The following IRF2BPL variants were observed in gnomAD, a reference collection of about 807,000 sequenced individuals.
IRF2BPL encodes probable E3 ubiquitin-protein ligase IRF2BPL.
In IRF2BPL, 13 loss-of-function variants were observed where a neutral mutation model predicts 51.2. That is an observed-to-expected ratio of 0.25 (90% CI 0.17 to 0.40). The LOEUF (loss-of-function observed/expected upper bound fraction) is 0.40, where lower values mean the gene tolerates loss of function less well. Among genes scored for constraint, IRF2BPL ranks in the 10% least tolerant of loss-of-function variants. The pLI is 1.00. For missense variants in IRF2BPL, 1,210 were observed against 1,111.8 expected, an observed-to-expected ratio of 1.09 and a Z score of -1.26; for synonymous variants, 768 against 509.2, an observed-to-expected ratio of 1.51 and a Z score of -6.84.
rs762852188 is a variant in IRF2BPL, at chr14:77,026,630, T to C, written c.1163A>G (p.Tyr388Cys). 6.2e-7 allele frequency: 1 copy of C among 1,613,742 alleles called. No homozygotes were observed. The highest frequency in any genetic ancestry group is 8.5e-7 in the Non-Finnish European group (1 of 1,179,986). The stretch of plus-strand genomic sequence containing the variant: ...GTGGTCCTTCTTGAAGCGAACCTCG[T>C]AGGGCGTGCAGCCTGCCAGCGTGAG... Reference protein sequence around the residue: ...TLLTLAGCTPYEVRFKKDHSL... With the variant: ...TLLTLAGCTPCEVRFKKDHSL... Residue 388 changes from tyrosine (Y) to cysteine (C), a missense_variant, in exon 1 of 1, where the codon TAC becomes TGC. Physicochemically the swap from Tyr to Cys is radical, Grantham distance 194. Coordinates refer to ENST00000238647, the MANE Select transcript of IRF2BPL (RefSeq NM_024496.4).
chr14:77,025,737 G>A lies in IRF2BPL; in HGVS notation c.2056C>T (p.Pro686Ser), dbSNP rs1372110270. Residue 686 changes from proline to serine, a missense_variant, in exon 1 of 1, where the codon CCG (proline) becomes TCG (serine). Transcript: ENST00000238647. ...NGDLNLQVAP[P>S]PPSAHPGMDQ... ...ATGCCCGGGTGGGCGCTAGGCGGCGGGGGCGCCACCTGTAAATTCAGGTCC... is the reference window on the plus strand; with the variant it reads ...ATGCCCGGGTGGGCGCTAGGCGGCGAGGGCGCCACCTGTAAATTCAGGTCC... 2 of 1,583,068 alleles carry A rather than the reference G, an allele frequency of 1.3e-6. No homozygotes were observed. Among genetic ancestry groups the A allele is most frequent in the Non-Finnish European group, 1.7e-6 (2 of 1,163,602 alleles).
Position 77,025,799 on chromosome 14 carries a change from G to A in IRF2BPL, c.1994C>T (p.Ser665Phe), listed in dbSNP as rs2140377124. 3 of 1,611,646 alleles carry A rather than the reference G, an allele frequency of 1.9e-6. No individual in the cohort carries two copies. The highest frequency in any genetic ancestry group is 2.5e-6 in the Non-Finnish European group (3 of 1,179,272). Residue 665 changes from serine (S) to phenylalanine (F), a missense_variant, in exon 1 of 1, where the codon TCC (serine) becomes TTC (phenylalanine). By Grantham distance (155) the Ser-to-Phe change is radical. Transcript: ENST00000238647. ...TGCCAAGCGGCGCTGCCCCGGCACG[G>A]AGGCCGGCGAGACTGGGCTGCTGCT... ...RNSSSPVSPASVPGQRRLASR... is the reference protein window; with the variant it reads ...RNSSSPVSPAFVPGQRRLASR...
Position 77,026,432 on chromosome 14 carries a change from G to A in IRF2BPL, c.1361C>T (p.Ser454Phe), listed in dbSNP as rs1052130994. Residue 454 changes from serine (S) to phenylalanine (F), a missense_variant, in exon 1 of 1, where the codon TCC becomes TTC. Coordinates refer to ENST00000238647, the MANE Select transcript of IRF2BPL (RefSeq NM_024496.4). ...DCMKDFGRGLSSGFKYLEYEK... is the reference protein window; with the variant it reads ...DCMKDFGRGLFSGFKYLEYEK... ...GTACTCCAGGTACTTGAAACCCGAGGATAGGCCCCGGCCGAAGTCCTTCAT... is the reference window on the plus strand; with the variant it reads ...GTACTCCAGGTACTTGAAACCCGAGAATAGGCCCCGGCCGAAGTCCTTCAT... 1.3e-5 allele frequency: 21 copies of A among 1,613,386 alleles called. No homozygotes were observed. The highest frequency in any genetic ancestry group is 1.6e-5 in the Non-Finnish European group (19 of 1,180,026).
At position 77,027,767 on chromosome 14, in the gene IRF2BPL, G is replaced by A; in HGVS notation, c.26C>T (p.Ser9Phe). 1.3e-6 allele frequency: 2 copies of A among 1,595,178 alleles called. No homozygotes were observed. Among genetic ancestry groups the A allele is most frequent in the Non-Finnish European group, 1.7e-6 (2 of 1,170,582 alleles). The change falls in exon 1 of 1, where the codon TCC (serine) becomes TTC (phenylalanine). Residue 9 changes from serine (S) to phenylalanine (F), a missense_variant. Physicochemically the swap from Ser to Phe is radical, Grantham distance 155. Coordinates refer to ENST00000238647, the MANE Select transcript of IRF2BPL (RefSeq NM_024496.4). MSAAQVSSSRRQSCYLCDL... is the reference protein window; with the variant it reads MSAAQVSSFRRQSCYLCDL... The stretch of plus-strand genomic sequence containing the variant: ...GCACAGGTAGCAAGATTGTCTCCGG[G>A]ACGAGGACACCTGCGCCGCCGACAT...
Position 77,027,664 on chromosome 14 carries a change from G to T in IRF2BPL, c.129C>A (p.Gly43=). 1 of 1,611,660 alleles carries T rather than the reference G, an allele frequency of 6.2e-7. No homozygotes were observed. The highest frequency in any genetic ancestry group is 1.3e-5 in the African/African-American group (1 of 74,858). Residue 43 remains glycine, a synonymous_variant, in exon 1 of 1, where the codon GGC becomes GGA. Transcript: ENST00000238647. ...PVCRGCVNYE[G]ADRIEFVIET... Reference sequence around the variant, plus strand: ...CGATCACGAATTCGATGCGATCAGCGCCCTCGTAGTTGACGCAACCGCGGC... The same window carrying T: ...CGATCACGAATTCGATGCGATCAGCTCCCTCGTAGTTGACGCAACCGCGGC...
At position 77,027,510 on chromosome 14, in the gene IRF2BPL, C is replaced by T; in HGVS notation, c.283G>A (p.Ala95Thr). 6.3e-6 allele frequency: 4 copies of T among 633,612 alleles called. No homozygotes were observed. Among genetic ancestry groups the T allele is most frequent in the Admixed American group, 6.7e-5 (1 of 15,028 alleles). 39.2% of individuals were successfully genotyped at this position (633,612 alleles called of 1,614,324 possible). A position where few individuals can be genotyped will look rare whatever the true frequency, so the allele number is the denominator to read the frequency against. Residue 95 changes from alanine (A) to threonine (T), a missense_variant, in exon 1 of 1, where the codon GCG (alanine) becomes ACG (threonine). Coordinates refer to ENST00000238647, the MANE Select transcript of IRF2BPL (RefSeq NM_024496.4). Reference protein sequence around the residue: ...AKEAAAAAAAAAAAAAAAQQQ... With the variant: ...AKEAAAAAAATAAAAAAAQQQ... ...TGCGCGGCGGCGGCGGCGGCCGCCG[C>T]TGCTGCCGCCGCCGCCGCCGCTTCC...
Position 77,025,345 on chromosome 14 carries a change from G to A in IRF2BPL, c.*57C>T, listed in dbSNP as rs1170008438. The A allele has an allele frequency of 1.7e-5, 22 of 1,293,720 alleles. No individual in the cohort carries two copies. Among genetic ancestry groups the A allele is most frequent in the African/African-American group, 3.0e-5 (2 of 67,016 alleles). 80.1% of individuals were successfully genotyped at this position (1,293,720 alleles called of 1,614,324 possible). On this transcript the variant is annotated 3_prime_UTR_variant, in exon 1 of 1. Transcript: ENST00000238647. ...GAGGGTCGAGTTGGGTTGGGGGAGG[G>A]GCCCTCAGGATTGGAGAGGAGCTGG...
chr14:77,025,775 G>C lies in IRF2BPL; in HGVS notation c.2018C>G (p.Ala673Gly), dbSNP rs1277128581. The C allele has an allele frequency of 6.2e-7, 1 of 1,607,796 alleles. No homozygotes were observed. The highest frequency in any genetic ancestry group is 1.1e-5 in the South Asian group (1 of 90,542). The change falls in exon 1 of 1, where the codon GCA (alanine) becomes GGA (glycine). Residue 673 changes from alanine to glycine, a missense_variant. Ala to Gly is a moderately conservative substitution (Grantham distance 60, BLOSUM62 0). Coordinates refer to ENST00000238647, the MANE Select transcript of IRF2BPL (RefSeq NM_024496.4). Reference protein sequence around the residue: ...PASVPGQRRLASRNGDLNLQV... With the variant: ...PASVPGQRRLGSRNGDLNLQV... ...TAAATTCAGGTCCCCGTTACGTGAT[G>C]CCAAGCGGCGCTGCCCCGGCACGGA...
Position 77,027,400 on chromosome 14 carries a change from A to C in IRF2BPL, c.393T>G (p.Val131=). The change falls in exon 1 of 1, where the codon GTT becomes GTG. Residue 131 remains valine, a synonymous_variant. Coordinates refer to ENST00000238647, the MANE Select transcript of IRF2BPL (RefSeq NM_024496.4). The part of the protein sequence containing the change: ...QQQQQQQLNH[V]DGSSKPAVLA... ...GCACCGCAGGCTTGCTGGAACCATC[A>C]ACGTGGTTGAGCTGTTGTTGCTGCT... 2.7e-6 allele frequency: 4 copies of C among 1,478,118 alleles called. No homozygotes were observed. The highest frequency in any genetic ancestry group is 3.6e-6 in the Non-Finnish European group (4 of 1,115,764). 91.6% of individuals were successfully genotyped at this position (1,478,118 alleles called of 1,614,324 possible).
At position 77,028,565 on chromosome 14, in the gene IRF2BPL, G is replaced by A. The variant is rs1306981435; in HGVS notation, c.-773C>T. ...CTGGCGGCGCTCACGTTGGCTGCAG[G>A]GCGCTCGCGCGGCGCCTCGGCCCGG... On this transcript the variant is annotated 5_prime_UTR_variant, in exon 1 of 1. Coordinates refer to ENST00000238647, the MANE Select transcript of IRF2BPL (RefSeq NM_024496.4). 2.6e-6 allele frequency: 1 copy of A among 379,306 alleles called. No individual in the cohort carries two copies. The highest frequency in any genetic ancestry group is 3.8e-5 in the East Asian group (1 of 26,520). The allele number at this position is 379,306 out of a possible 1,614,324, so 23.5% of individuals were successfully genotyped here. A position where few individuals can be genotyped will look rare whatever the true frequency, so the allele number is the denominator to read the frequency against.
In IRF2BPL at chr14:77,025,305, G is replaced by C. The variant is rs527899160; in HGVS notation, c.*97C>G. 1 of 788,206 alleles carries C rather than the reference G, an allele frequency of 1.3e-6. No homozygotes were observed. The highest frequency in any genetic ancestry group is 2.0e-6 in the Non-Finnish European group (1 of 501,562). The allele number at this position is 788,206 out of a possible 1,614,324, so 48.8% of individuals were successfully genotyped here. ...CGTTATATTCACAATTCTACACCTT[G>C]GGGGTGAGGGGAGGGAGGGTCGAGT... On this transcript the variant is annotated 3_prime_UTR_variant, in exon 1 of 1. Coordinates refer to ENST00000238647, the MANE Select transcript of IRF2BPL (RefSeq NM_024496.4).
In IRF2BPL at chr14:77,027,301, C is replaced by G; in HGVS notation, c.492G>C (p.Ala164=). The change falls in exon 1 of 1, where the codon GCG becomes GCC. Residue 164 remains alanine (A), a synonymous_variant. Coordinates refer to ENST00000238647, the MANE Select transcript of IRF2BPL (RefSeq NM_024496.4). ...ACTCGAAGCGGCTGCGCTGTTCCACCGCAGCGGCGGCGGCGGCGGCGGCGG... is the reference window on the plus strand; with the variant it reads ...ACTCGAAGCGGCTGCGCTGTTCCACGGCAGCGGCGGCGGCGGCGGCGGCGG... ...AAAAAAAAAA[A]VEQRSRFEYP... The G allele has an allele frequency of 1.3e-6, 2 of 1,525,384 alleles. No homozygotes were observed. Among genetic ancestry groups the G allele is most frequent in the Non-Finnish European group, 1.8e-6 (2 of 1,134,376 alleles). 94.5% of individuals were successfully genotyped at this position (1,525,384 alleles called of 1,614,324 possible).
At position 77,028,607 on chromosome 14, in the gene IRF2BPL, C is replaced by T. The variant is rs1220483517; in HGVS notation, c.-815G>A. On this transcript the variant is annotated 5_prime_UTR_variant, in exon 1 of 1. Transcript: ENST00000238647. ...TCGGCCCGGGTCGCATCCCTTCCCG[C>T]TCGTGCTCACGCTCGCCCGGAATGT... 1 of 386,822 alleles carries T rather than the reference C, an allele frequency of 2.6e-6. No individual in the cohort carries two copies. Among genetic ancestry groups the T allele is most frequent in the East Asian group, 3.7e-5 (1 of 27,236 alleles). The allele number at this position is 386,822 out of a possible 1,614,324, so 24.0% of individuals were successfully genotyped here. A position where few individuals can be genotyped will look rare whatever the true frequency, so the allele number is the denominator to read the frequency against.
In IRF2BPL at chr14:77,027,501, CGG is replaced by C; in HGVS notation, c.290_291del (p.Ala97GlyfsTer35). On this transcript the variant is annotated frameshift_variant, in exon 1 of 1. Coordinates refer to ENST00000238647, the MANE Select transcript of IRF2BPL (RefSeq NM_024496.4). LOFTEE classifies it high-confidence loss of function. ...EAAAAAAAAA[A>X]AAAAAQQQQQ... is the part of the protein sequence containing the mutation. ...TGTTGCTGTTGCGCGGCGGCGGCGGCGGCCGCCGCTGCTGCCGCCGCCGCCGC... is the reference window on the plus strand; with the variant it reads ...TGTTGCTGTTGCGCGGCGGCGGCGGCCCGCCGCTGCTGCCGCCGCCGCCGC... The C allele has an allele frequency of 3.1e-6, 2 of 634,962 alleles. No individual in the cohort carries two copies. Among genetic ancestry groups the C allele is most frequent in the Admixed American group, 6.7e-5 (1 of 14,990 alleles). 39.3% of individuals were successfully genotyped at this position (634,962 alleles called of 1,614,324 possible). A position where few individuals can be genotyped will look rare whatever the true frequency, so the allele number is the denominator to read the frequency against.
In IRF2BPL at chr14:77,026,027, G is replaced by A; in HGVS notation, c.1766C>T (p.Pro589Leu). 6.4e-7 allele frequency: 1 copy of A among 1,564,030 alleles called. No individual in the cohort carries two copies. The highest frequency in any genetic ancestry group is 8.6e-7 in the Non-Finnish European group (1 of 1,156,282). The change falls in exon 1 of 1, where the codon CCG becomes CTG. Residue 589 changes from proline (P) to leucine (L), a missense_variant. Physicochemically the swap from Pro to Leu is moderately conservative, Grantham distance 98. Coordinates refer to ENST00000238647, the MANE Select transcript of IRF2BPL (RefSeq NM_024496.4). ...LTMSAGGFAAPGHAAGGPPPP... is the reference protein window; with the variant it reads ...LTMSAGGFAALGHAAGGPPPP... ...AGGCGGACCCCCCGCCGCGTGCCCC[G>A]GCGCCGCGAAGCCCCCGGCGGACAT...
In IRF2BPL at chr14:77,025,949, G is replaced by A; in HGVS notation, c.1844C>T (p.Ser615Leu). 6.2e-7 allele frequency: 1 copy of A among 1,605,822 alleles called. No individual in the cohort carries two copies. The highest frequency in any genetic ancestry group is 1.3e-5 in the African/African-American group (1 of 74,904). ...PHSNRTTPPE[S>L]APQNGPSPMA... ...AGGGGACGGACCGTTCTGGGGGGCT[G>A]ACTCAGGTGGGGTGGTCCGGTTGGA... Residue 615 changes from serine (S) to leucine (L), a missense_variant, in exon 1 of 1, where the codon TCA (serine) becomes TTA (leucine). Physicochemically the swap from Ser to Leu is moderately radical, Grantham distance 145. Coordinates refer to ENST00000238647, the MANE Select transcript of IRF2BPL (RefSeq NM_024496.4).
Position 77,026,839 on chromosome 14 carries a change from C to A in IRF2BPL, c.954G>T (p.Ser318=). The A allele has an allele frequency of 6.2e-7, 1 of 1,609,452 alleles. No individual in the cohort carries two copies. The highest frequency in any genetic ancestry group is 8.5e-7 in the Non-Finnish European group (1 of 1,178,280). Residue 318 remains serine, a synonymous_variant, in exon 1 of 1, where the codon TCG becomes TCT. Coordinates refer to ENST00000238647, the MANE Select transcript of IRF2BPL (RefSeq NM_024496.4). ...CACCCACGCCCACCTCTGCCACCGA[C>A]GAAGAGGTCGAAGACGACGCGGAGG... ...TSSSASSSTS[S]SVAEVGVGAG... is the part of the protein sequence containing the mutation.
In IRF2BPL at chr14:77,027,423, GC is replaced by G. The variant is rs1478492794; in HGVS notation, c.369del (p.Gln123HisfsTer29). 1.9e-5 allele frequency: 4 copies of G among 206,708 alleles called. No individual in the cohort carries two copies. Among genetic ancestry groups the G allele is most frequent in the East Asian group, 1.1e-4 (1 of 9,190 alleles). 12.8% of individuals were successfully genotyped at this position (206,708 alleles called of 1,614,324 possible). A position where few individuals can be genotyped will look rare whatever the true frequency, so the allele number is the denominator to read the frequency against. ...QQQQQQQQQQ[Q>X]QQQQLNHVDG... Reference sequence around the variant, plus strand: ...TCAACGTGGTTGAGCTGTTGTTGCTGCTGCTGCTGCTGCTGCTGCTGCTGCT... The same window carrying G: ...TCAACGTGGTTGAGCTGTTGTTGCTGTGCTGCTGCTGCTGCTGCTGCTGCT... On this transcript the variant is annotated frameshift_variant, in exon 1 of 1. Coordinates refer to ENST00000238647, the MANE Select transcript of IRF2BPL (RefSeq NM_024496.4). LOFTEE classifies it high-confidence loss of function.
chr14:77,025,678 G>A lies in IRF2BPL; in HGVS notation c.2115C>T (p.Ser705=), dbSNP rs1457350763. Reference sequence around the variant, plus strand: ...AGAGGGGTCCGCTGTTGGCCATGGGGGAATCCGGAATGTTTTGGGGGTGCA... The same window carrying A: ...AGAGGGGTCCGCTGTTGGCCATGGGAGAATCCGGAATGTTTTGGGGGTGCA... ...DQVHPQNIPD[S]PMANSGPLCC... is the part of the protein sequence containing the mutation. Residue 705 remains serine, a synonymous_variant, in exon 1 of 1, where the codon TCC becomes TCT. Coordinates refer to ENST00000238647, the MANE Select transcript of IRF2BPL (RefSeq NM_024496.4). 3 of 1,561,378 alleles carry A rather than the reference G, an allele frequency of 1.9e-6. No individual in the cohort carries two copies. Among genetic ancestry groups the A allele is most frequent in the Non-Finnish European group, 2.6e-6 (3 of 1,151,620 alleles).
Sources: allele counts gnomAD v4.1 joint callset, GRCh38; gene constraint gnomAD v4.1.1; transcripts MANE v1.5; gene names NCBI Gene and HGNC (gene_info 2026-07-23, HGNC 2026-07-21).